The following ADD3 variants were observed in gnomAD, a reference collection of about 807,000 sequenced individuals.
ADD3 encodes the protein gamma-adducin.
In ADD3, 25 loss-of-function variants were observed where a neutral mutation model predicts 80.2. The ratio of observed to expected loss-of-function variants is 0.31; its 90% CI spans 0.23 to 0.44. ADD3 has a LOEUF of 0.44. Ranked by LOEUF, ADD3 falls within the 20% of genes least tolerant of loss-of-function variation. The pLI is 1.00. For missense variants in ADD3, 829 were observed against 847.5 expected (o/e 0.98, Z 0.27); for synonymous variants, 284 against 289.6 (o/e 0.98, Z 0.20).
chr10:110,009,989 T>A (rs1194251806), intron 1 of ADD3, among the ~76,000 whole-genome samples: 4 of 152,248 alleles, frequency 2.6e-5, no homozygotes, highest in Non-Finnish European at 4.4e-5. Flanking sequence ...ATTTTCGTAA[T>A]GTAAGTTTCA....
At chr10:110,039,390 G>A (rs1856028011) in intron 1 of ADD3, among the ~76,000 whole-genome samples, 1 of 152,176 alleles carries the variant, frequency 6.6e-6, no homozygotes, top group Non-Finnish European at 1.5e-5. Context: ...GACTAATGAG[G>A]AAGGAGGAGT....
chr10:110,114,897 G>A (rs900797577), intron 3 of ADD3, among the ~76,000 whole-genome samples: 6 of 151,882 alleles, frequency 4.0e-5, no homozygotes, highest in Non-Finnish European at 8.8e-5. Context: ...GGGCAACATA[G>A]TAAGACCCCA....
At chr10:110,104,422 G>A (rs1849191278) in intron 2 of ADD3, among the ~76,000 whole-genome samples, 1 of 152,172 alleles carries the variant, frequency 6.6e-6, no homozygotes. Context: ...TCTTACAGAA[G>A]TTTTAGGGGT....
chr10:110,007,321 G>A (rs1022118981), upstream of ADD3, among the ~76,000 whole-genome samples: 1 of 152,192 alleles, frequency 6.6e-6, no homozygotes, highest in Non-Finnish European at 1.5e-5. Flanking sequence ...AGGGGTTGTG[G>A]GGACTAGGCG....
At chr10:110,128,593 AT>A (rs1852501514) in intron 12 of ADD3, among the ~76,000 whole-genome samples, 2 of 151,502 alleles carry the variant, frequency 1.3e-5, no homozygotes, top group Non-Finnish European at 2.9e-5. Context: ...TTTTTTTTGT[AT>A]TTTTAGTAGA....
intron 4 of ADD3, 48 bp from the exon 5 acceptor site, chr10:110,117,294 C>T (rs776130716): frequency 7.1e-6 from 7 of 991,448 alleles, no homozygotes; most frequent in Non-Finnish European, 1.1e-5. Flanking sequence ...GTTTCCACTG[C>T]AAAATATGAA....
chr10:110,099,182 A>G (rs140417030), intron 1 of ADD3, among the ~76,000 whole-genome samples: 2 of 150,960 alleles, frequency 1.3e-5, no homozygotes, highest in Non-Finnish European at 3.0e-5. Context: ...TCCCACCTCA[A>G]TCTCCCAACA....
At chr10:110,085,703 A>C (rs1846641010) in intron 1 of ADD3, among the ~76,000 whole-genome samples, 1 of 152,234 alleles carries the variant, frequency 6.6e-6, no homozygotes, top group Non-Finnish European at 1.5e-5. Context: ...CCTAGGGTTC[A>C]GGCATAGACC....
chr10:110,106,810 T>A (rs1849447779), intron 2 of ADD3, among the ~76,000 whole-genome samples: 1 of 152,122 alleles, frequency 6.6e-6, no homozygotes, highest in Non-Finnish European at 1.5e-5. Context: ...AGGATTTTGT[T>A]TGAGTTGAAG....
intron 1 of ADD3, among the ~76,000 whole-genome samples, chr10:110,055,546 AT>A (rs57819139): frequency 1.7e-4 from 26 of 151,442 alleles, no homozygotes; most frequent in East Asian, 9.6e-4. Context: ...TTTTTCCTTG[AT>A]TTTTTTTTCT....
At chr10:110,049,660 G>A (rs1857275357) in intron 1 of ADD3, among the ~76,000 whole-genome samples, 1 of 152,200 alleles carries the variant, frequency 6.6e-6, no homozygotes, top group Non-Finnish European at 1.5e-5. Flanking sequence ...GGCCAAGGCA[G>A]GCAGGTCACG....
At chr10:110,133,218 G>T (rs1309379303) in intron 14 of ADD3, 108 bp from the exon 15 acceptor site, 14 of 1,085,146 alleles carry the variant, frequency 1.3e-5, no homozygotes, top group Non-Finnish European at 1.8e-5. Context: ...GTCTTCATTG[G>T]AATCAAAGTA....
intron 1 of ADD3, among the ~76,000 whole-genome samples, chr10:110,022,637 T>G (rs1853810962): frequency 6.6e-6 from 1 of 152,194 alleles, no homozygotes; most frequent in African/African-American, 2.4e-5. Context: ...GAAGCATATG[T>G]GAACCAGACA....
At chr10:110,038,258 G>T (rs532689627) in intron 1 of ADD3, among the ~76,000 whole-genome samples, 2 of 152,092 alleles carry the variant, frequency 1.3e-5, no homozygotes, top group African/African-American at 4.8e-5. Flanking sequence ...GACTAGGTGG[G>T]GGTAGAAGAG....
At chr10:110,104,171 C>T (rs1284643043) in intron 2 of ADD3, among the ~76,000 whole-genome samples, 1 of 152,134 alleles carries the variant, frequency 6.6e-6, no homozygotes, top group Non-Finnish European at 1.5e-5. Flanking sequence ...CATCCCTCTT[C>T]AAAAAGGAGA....
chr10:110,100,015 G>A (rs1461967487), intron 1 of ADD3, among the ~76,000 whole-genome samples: 1 of 152,066 alleles, frequency 6.6e-6, no homozygotes, highest in South Asian at 2.1e-4. Flanking sequence ...AGAGGCTCAT[G>A]CCTGTAATCT....
chr10:110,061,590 A>G (rs1858897283), intron 1 of ADD3, among the ~76,000 whole-genome samples: 1 of 152,192 alleles, frequency 6.6e-6, no homozygotes, highest in Non-Finnish European at 1.5e-5. Flanking sequence ...TAGAGGAAGG[A>G]ATATCCATTT....
At chr10:110,046,247 A>AT (rs1856893970) in intron 1 of ADD3, among the ~76,000 whole-genome samples, 1 of 152,014 alleles carries the variant, frequency 6.6e-6, no homozygotes, top group Non-Finnish European at 1.5e-5. Context: ...CCGTAAATGT[A>AT]TTTTCTTATG....
At chr10:110,108,439 T>C (rs1849628024) in intron 2 of ADD3, among the ~76,000 whole-genome samples, 1 of 152,274 alleles carries the variant, frequency 6.6e-6, no homozygotes, top group African/African-American at 2.4e-5. Context: ...CATTTACTTA[T>C]TAGCTTTATA....
Sources: allele counts gnomAD v4.1 joint callset (sites outside exome capture counted in the v4.1 genomes callset), GRCh38; gene constraint gnomAD v4.1.1; transcripts MANE v1.5; gene names NCBI Gene and HGNC (gene_info 2026-07-23, HGNC 2026-07-21).